The following CHCHD6 variants were observed in gnomAD, a reference collection of about 807,000 sequenced individuals.
CHCHD6 encodes the protein coiled-coil-helix-coiled-coil-helix domain containing 6, also known as MICOS complex subunit MIC25.
CHCHD6 carries 28 observed loss-of-function variants against 32.3 expected under a neutral mutation model. The ratio of observed to expected loss-of-function variants is 0.87; its 90% CI spans 0.64 to 1.19. The LOEUF (loss-of-function observed/expected upper bound fraction) is 1.19, where lower values mean the gene tolerates loss of function less well. Ranked by LOEUF, CHCHD6 falls within the 50% of genes most tolerant of loss-of-function variation. CHCHD6 has a pLI of 0.00. For synonymous variants in CHCHD6, 122 were observed against 117.5 expected (o/e 1.04, Z -0.25); for missense variants, 333 against 307.0 (o/e 1.08, Z -0.63).
rs371861748 is a variant in CHCHD6 at position 126,708,451 on chromosome 3, C to A, written c.87+4052C>A. ...TGTGAACATGTTATTCTGGAGGCCACGCTGCAGTTCTCTGGTCAGGAGCAG... is the reference window on the plus strand; with the variant it reads ...TGTGAACATGTTATTCTGGAGGCCAAGCTGCAGTTCTCTGGTCAGGAGCAG... On this transcript the variant is annotated intron_variant, in intron 1 of 7. Coordinates refer to ENST00000290913, the MANE Select transcript of CHCHD6 (RefSeq NM_032343.3). Among the ~76,000 whole-genome samples, 36 of 152,196 alleles carry A rather than the reference C, an allele frequency of 2.4e-4. No homozygotes were observed. In the East Asian group the frequency reaches 3.9e-3, roughly 16 times the overall value.
At chr3:126,822,236 G>A (rs367893646) in intron 4 of CHCHD6, among the ~76,000 whole-genome samples, 1 of 149,120 alleles carries the variant, frequency 6.7e-6, no homozygotes, top group Non-Finnish European at 1.5e-5. Flanking sequence ...GTTAGTTTTT[G>A]TATATGGTGT....
intron 5 of CHCHD6, among the ~76,000 whole-genome samples, chr3:126,908,677 G>A (rs575804815): frequency 1.3e-4 from 20 of 152,226 alleles, no homozygotes; most frequent in Non-Finnish European, 2.4e-4. Context: ...CGATACTCTC[G>A]GATCTCTCTT....
At chr3:126,830,482 T>C (rs765727240) in intron 4 of CHCHD6, among the ~76,000 whole-genome samples, 5 of 152,204 alleles carry the variant, frequency 3.3e-5, no homozygotes, top group Admixed American at 2.6e-4. Context: ...GCTGGAGACC[T>C]CAGGTGCCCT....
At chr3:126,934,840 C>T (rs187623356) in intron 6 of CHCHD6, among the ~76,000 whole-genome samples, 6 of 152,302 alleles carry the variant, frequency 3.9e-5, no homozygotes, top group South Asian at 2.1e-4. Flanking sequence ...TGAGCCACCA[C>T]GCCCGGCCTT....
chr3:126,789,694 C>T (rs1021643124), intron 4 of CHCHD6, among the ~76,000 whole-genome samples: 1 of 152,062 alleles, frequency 6.6e-6, no homozygotes, highest in African/African-American at 2.4e-5. Flanking sequence ...TTCCTCCATC[C>T]CTTTATTTTG....
At chr3:126,830,625 C>T (rs1433289059) in intron 4 of CHCHD6, among the ~76,000 whole-genome samples, 2 of 152,230 alleles carry the variant, frequency 1.3e-5, no homozygotes, top group African/African-American at 4.8e-5. Flanking sequence ...AGCCTCTTTA[C>T]GGCTGCTACT....
intron 2 of CHCHD6, 39 bp from the exon 3 acceptor site, chr3:126,730,522 G>T: frequency 1.3e-6 from 2 of 1,580,076 alleles, no homozygotes; most frequent in Non-Finnish European, 1.7e-6. Flanking sequence ...TGGACCCTGG[G>T]GTGCCACTGA....
intron 5 of CHCHD6, among the ~76,000 whole-genome samples, chr3:126,871,075 C>G (rs1217332584): frequency 2.0e-5 from 3 of 152,172 alleles, no homozygotes. Flanking sequence ...CTCTCACAAT[C>G]TCTTCCCTGA....
chr3:126,714,076 C>CAAAAAA lies in CHCHD6; in HGVS notation c.87+9699_87+9704dup, dbSNP rs1157910763. ...TGGGCGACAGAGCCAGACTGCATCT[C>CAAAAAA]AAAAAAAAAAAAAAAAAAAAAAAAA... On this transcript the variant is annotated intron_variant, in intron 1 of 7. Transcript: ENST00000290913. Among the ~76,000 whole-genome samples, 27 of 28,868 alleles carry CAAAAAA rather than the reference C, an allele frequency of 9.4e-4. 1 individual carries two copies. The highest frequency in any genetic ancestry group is 2.8e-3 in the African/African-American group (23 of 8,138). The allele number at this position is 28,868 out of a possible 152,430, so 18.9% of individuals were successfully genotyped here. A position where few individuals can be genotyped will look rare whatever the true frequency, so the allele number is the denominator to read the frequency against.
At chr3:126,711,087 T>C (rs1290163026) in intron 1 of CHCHD6, among the ~76,000 whole-genome samples, 1 of 152,196 alleles carries the variant, frequency 6.6e-6, no homozygotes, top group Admixed American at 6.6e-5. Context: ...TTGGTAACTT[T>C]ATCTTTTAAT....
chr3:126,954,413 C>T (rs952816528), intron 6 of CHCHD6, among the ~76,000 whole-genome samples: 5 of 152,226 alleles, frequency 3.3e-5, no homozygotes, highest in African/African-American at 4.8e-5. Flanking sequence ...AAAGTGTCGG[C>T]GTCTCTGTTG....
chr3:126,713,622 AGT>A (rs1934864912), intron 1 of CHCHD6, among the ~76,000 whole-genome samples: 3 of 152,082 alleles, frequency 2.0e-5, no homozygotes, highest in South Asian at 2.1e-4. Flanking sequence ...CCCAGGGCTT[AGT>A]GCCCTGGGCC....
intron 4 of CHCHD6, among the ~76,000 whole-genome samples, chr3:126,846,190 CT>C (rs745311914): frequency 2.0e-5 from 3 of 152,130 alleles, no homozygotes; most frequent in Non-Finnish European, 2.9e-5. Context: ...TGGTGATTCC[CT>C]GAAAGAGACC....
At chr3:126,730,713 GA>G in intron 3 of CHCHD6, 83 bp downstream of exon 3, 1 of 1,159,584 alleles carries the variant, frequency 8.6e-7, no homozygotes, top group South Asian at 1.3e-5. Flanking sequence ...CTCCTTGCCT[GA>G]AGCCCTGGAG....
At chr3:126,853,402 A>T (rs76990848) in intron 5 of CHCHD6, among the ~76,000 whole-genome samples, 1 of 152,160 alleles carries the variant, frequency 6.6e-6, no homozygotes, top group South Asian at 2.1e-4. Flanking sequence ...TTAAAAAAAA[A>T]TTGTTCCCCC....
intron 6 of CHCHD6, among the ~76,000 whole-genome samples, chr3:126,934,474 G>T (rs1576621804): frequency 6.9e-6 from 1 of 144,740 alleles, no homozygotes; most frequent in East Asian, 2.1e-4. Flanking sequence ...CATGAAGCAT[G>T]TTGTCAGGCT....
chr3:126,931,952 G>A (rs919403896), intron 6 of CHCHD6, among the ~76,000 whole-genome samples: 13 of 152,180 alleles, frequency 8.5e-5, no homozygotes, highest in African/African-American at 1.4e-4. Context: ...CTAGGCTGAC[G>A]CATCCTAAGT....
intron 5 of CHCHD6, among the ~76,000 whole-genome samples, chr3:126,878,591 G>A (rs539930610): frequency 6.6e-6 from 1 of 152,298 alleles, no homozygotes; most frequent in South Asian, 2.1e-4. Flanking sequence ...TGGAAAGTAA[G>A]GAAAGGAAAA....
At chr3:126,929,865 C>T (rs553493594) in intron 6 of CHCHD6, among the ~76,000 whole-genome samples, 10 of 152,318 alleles carry the variant, frequency 6.6e-5, no homozygotes, top group African/African-American at 1.9e-4. Flanking sequence ...CACCTGACCC[C>T]TTCCAACTCT....
Sources: gnomAD v4.1 joint callset for allele counts (sites outside exome capture counted in the v4.1 genomes callset) on GRCh38, gnomAD v4.1.1 for gene constraint, MANE v1.5 for transcripts, NCBI Gene and HGNC (gene_info 2026-07-23, HGNC 2026-07-21) for gene names.